FAF1: variants seen among roughly 807,000 people sequenced by gnomAD.
FAF1 encodes the protein Fas associated factor 1.
FAF1 carries 25 observed loss-of-function variants against 92.5 expected under a neutral mutation model. That is an observed-to-expected ratio of 0.27 (90% CI 0.20 to 0.38). FAF1 has a LOEUF of 0.38. Among genes scored for constraint, FAF1 ranks in the 10% least tolerant of loss-of-function variants. The pLI is 1.00. For missense variants in FAF1, 636 were observed against 793.3 expected (o/e 0.80, Z 2.38); for synonymous variants, 234 against 273.2 (o/e 0.86, Z 1.42).
At chr1:50,624,748 T>C (rs1224178338) in intron 8 of FAF1, among the ~76,000 whole-genome samples, 17 of 152,204 alleles carry the variant, frequency 1.1e-4, no homozygotes, top group Admixed American at 1.1e-3. Flanking sequence ...TTTTCACATA[T>C]ATTCCCTTGG....
intron 2 of FAF1, among the ~76,000 whole-genome samples, chr1:50,836,993 T>G (rs1179863777): frequency 7.0e-6 from 1 of 142,788 alleles, no homozygotes; most frequent in African/African-American, 2.6e-5. Flanking sequence ...AGTCTTGCTC[T>G]GTCGCCCAGG....
intron 7 of FAF1, among the ~76,000 whole-genome samples, chr1:50,694,006 TATAC>T (rs961814596): frequency 4.6e-5 from 7 of 152,006 alleles, no homozygotes; most frequent in African/African-American, 1.7e-4. Flanking sequence ...TCATTATATA[TATAC>T]ATGACATATA....
intron 1 of FAF1, among the ~76,000 whole-genome samples, chr1:50,897,326 T>C (rs1644765631): frequency 6.6e-6 from 1 of 152,230 alleles, no homozygotes; most frequent in Non-Finnish European, 1.5e-5. Flanking sequence ...CTGATGTGCA[T>C]GGGCAGAGGA....
intron 7 of FAF1, among the ~76,000 whole-genome samples, chr1:50,671,584 G>A (rs1292118084): frequency 2.6e-5 from 4 of 152,116 alleles, no homozygotes; most frequent in African/African-American, 9.7e-5. Flanking sequence ...TTAAGAGGGT[G>A]AGGATTCAAA....
At chr1:50,692,855 T>C (rs561733906) in intron 7 of FAF1, among the ~76,000 whole-genome samples, 2 of 152,222 alleles carry the variant, frequency 1.3e-5, no homozygotes, top group South Asian at 4.1e-4. Flanking sequence ...TTATTGGCTG[T>C]TTGCATATCT....
At chr1:50,871,270 T>G (rs1021353813) in intron 1 of FAF1, among the ~76,000 whole-genome samples, 1 of 152,242 alleles carries the variant, frequency 6.6e-6, no homozygotes, top group Non-Finnish European at 1.5e-5. Flanking sequence ...CAAGTGCTGA[T>G]GTAGAAGCTG....
chr1:50,777,261 A>T (rs890556488), intron 4 of FAF1, among the ~76,000 whole-genome samples: 1 of 151,966 alleles, frequency 6.6e-6, no homozygotes, highest in Non-Finnish European at 1.5e-5. Flanking sequence ...AAAGTGAAAA[A>T]AAAAAAAATT....
intron 4 of FAF1, among the ~76,000 whole-genome samples, chr1:50,779,355 A>G (rs1237001639): frequency 6.6e-6 from 1 of 152,170 alleles, no homozygotes; most frequent in Admixed American, 6.5e-5. Flanking sequence ...TCCTTTCCAG[A>G]TGGTTTTCAA....
At chr1:50,627,630 T>C (rs1653567077) in intron 8 of FAF1, among the ~76,000 whole-genome samples, 1 of 152,054 alleles carries the variant, frequency 6.6e-6, no homozygotes, top group African/African-American at 2.4e-5. Context: ...GCATGATTCA[T>C]AATATATAAT....
intron 7 of FAF1, among the ~76,000 whole-genome samples, chr1:50,665,522 T>G (rs1172617425): frequency 6.6e-6 from 1 of 152,210 alleles, no homozygotes; most frequent in Non-Finnish European, 1.5e-5. Flanking sequence ...TGAACCAGCA[T>G]CAGCAAAGCA....
intron 4 of FAF1, among the ~76,000 whole-genome samples, chr1:50,768,897 G>T (rs1016591599): frequency 6.6e-6 from 1 of 151,814 alleles, no homozygotes; most frequent in Admixed American, 6.6e-5. Flanking sequence ...GAAACAAGAA[G>T]AAACCAATTA....
chr1:50,777,009 T>C (rs2124555303), intron 4 of FAF1, among the ~76,000 whole-genome samples: 1 of 152,132 alleles, frequency 6.6e-6, no homozygotes, highest in South Asian at 2.1e-4. Flanking sequence ...CCTCTAATCC[T>C]AGCACTTTGG....
At chr1:50,775,767 A>G (rs1474822919) in intron 4 of FAF1, among the ~76,000 whole-genome samples, 1 of 152,154 alleles carries the variant, frequency 6.6e-6, no homozygotes, top group Non-Finnish European at 1.5e-5. Context: ...CGAAAAAAAA[A>G]GGAGAGATTC....
chr1:50,612,604 T>G, intron 8 of FAF1: 1 of 398,024 alleles, frequency 2.5e-6, no homozygotes, highest in Non-Finnish European at 3.4e-6. Context: ...ATAAGAGCTC[T>G]GGATATTTTT....
intron 1 of FAF1, among the ~76,000 whole-genome samples, chr1:50,870,955 T>C (rs1461686970): frequency 6.6e-6 from 1 of 152,210 alleles, no homozygotes; most frequent in Non-Finnish European, 1.5e-5. Flanking sequence ...AATAGCCACA[T>C]TGTGAATGCA....
chr1:50,836,930 T>C (rs1350468404), intron 2 of FAF1, among the ~76,000 whole-genome samples: 1 of 151,110 alleles, frequency 6.6e-6, no homozygotes, highest in Non-Finnish European at 1.5e-5. Flanking sequence ...CAATTGTCTC[T>C]TACAAGTGTA....
intron 13 of FAF1, among the ~76,000 whole-genome samples, chr1:50,557,608 A>AT (rs1225685444): frequency 6.6e-6 from 1 of 152,192 alleles, no homozygotes; most frequent in East Asian, 1.9e-4. Flanking sequence ...ACAAGCAAAC[A>AT]CTGTAAAATA....
At chr1:50,770,882 A>G (rs1005111769) in intron 4 of FAF1, among the ~76,000 whole-genome samples, 1 of 152,242 alleles carries the variant, frequency 6.6e-6, no homozygotes, top group Admixed American at 6.5e-5. Context: ...TGCAGTAACC[A>G]TAACAGCACG....
intron 1 of FAF1, among the ~76,000 whole-genome samples, chr1:50,891,546 G>C (rs866581848): frequency 2.0e-5 from 3 of 152,216 alleles, no homozygotes; most frequent in Middle Eastern, 3.4e-3. Flanking sequence ...TTTTGGTGTG[G>C]ATGTCCTGTT....
Sources: gnomAD v4.1 joint callset for allele counts (sites outside exome capture counted in the v4.1 genomes callset) on GRCh38, gnomAD v4.1.1 for gene constraint, MANE v1.5 for transcripts, NCBI Gene and HGNC (gene_info 2026-07-23, HGNC 2026-07-21) for gene names.